Variants in MAGI1 observed in about 807,000 individuals in gnomAD.
MAGI1 encodes the protein membrane associated guanylate kinase, WW and PDZ domain containing 1, also known as membrane-associated guanylate kinase, WW and PDZ domain-containing protein 1.
MAGI1 carries 58 observed loss-of-function variants against 139.9 expected under a neutral mutation model. The ratio of observed to expected loss-of-function variants is 0.41; its 90% CI spans 0.34 to 0.52. The LOEUF is 0.52. Among genes scored for constraint, MAGI1 ranks in the 20% least tolerant of loss-of-function variants. The pLI, the probability that MAGI1 is intolerant of heterozygous loss-of-function variation, is 0.12. For synonymous variants in MAGI1, 812 were observed against 737.9 expected, an observed-to-expected ratio of 1.10 and a Z score of -1.63; for missense variants, 1,874 against 1,901.6, an observed-to-expected ratio of 0.99 and a Z score of 0.27.
chr3:65,404,149 A>G (rs184743186), intron 12 of MAGI1, among the ~76,000 whole-genome samples: 2 of 152,366 alleles, frequency 1.3e-5, no homozygotes, highest in Admixed American at 1.3e-4. Flanking sequence ...AGAGGGACTC[A>G]TTTAAGGAGA....
intron 22 of MAGI1, chr3:65,360,943 A>G: frequency 7.1e-7 from 1 of 1,414,420 alleles, no homozygotes; most frequent in Non-Finnish European, 9.2e-7. Context: ...CGGACTAGAC[A>G]AAACGTTCTC....
intron 1 of MAGI1, among the ~76,000 whole-genome samples, chr3:65,650,328 C>G (rs867188981): frequency 6.6e-6 from 1 of 152,206 alleles, no homozygotes; most frequent in African/African-American, 2.4e-5. Flanking sequence ...AGCAACAGTA[C>G]TCCTTGACAT....
At chr3:65,863,844 A>G (rs1279557604) in intron 1 of MAGI1, among the ~76,000 whole-genome samples, 1 of 152,100 alleles carries the variant, frequency 6.6e-6, no homozygotes, top group Non-Finnish European at 1.5e-5. Context: ...TTCCTACCCC[A>G]ATTCTACCTC....
rs57337916 is a variant in MAGI1, at chr3:65,530,624, GGTGTGTGTGTGTGT to G, written c.431-37007_431-36994del. Among the ~76,000 whole-genome samples the G allele has an allele frequency of 7.7e-4, 100 of 129,214 alleles. 2 individuals are homozygous for G. Among genetic ancestry groups the G allele is most frequent in the Middle Eastern group, 4.1e-3 (1 of 246 alleles). 84.8% of individuals were successfully genotyped at this position (129,214 alleles called of 152,430 possible). ...GCAAGACACATACGTATGTGTGTGT[GGTGTGTGTGTGTGT>G]GTGTGTGTGTGTGTGTGTGTGTGTA... On this transcript the variant is annotated intron_variant, in intron 2 of 22. Coordinates refer to ENST00000402939, the MANE Select transcript of MAGI1 (RefSeq NM_001033057.2).
chr3:65,923,927 C>T (rs555207631), intron 1 of MAGI1, among the ~76,000 whole-genome samples: 3 of 152,292 alleles, frequency 2.0e-5, no homozygotes, highest in African/African-American at 7.2e-5. Context: ...AGCATCAATG[C>T]ACCTGAATTT....
At chr3:65,542,120 A>T (rs777136026) in intron 2 of MAGI1, among the ~76,000 whole-genome samples, 1 of 152,210 alleles carries the variant, frequency 6.6e-6, no homozygotes, top group Non-Finnish European at 1.5e-5. Flanking sequence ...ATTCCTATAC[A>T]CCAATAATAG....
rs1358025936 is a variant in MAGI1, at chr3:65,831,798, A to C, written c.313+206198T>G. On this transcript the variant is annotated intron_variant, in intron 1 of 22. Coordinates refer to ENST00000402939, the MANE Select transcript of MAGI1 (RefSeq NM_001033057.2). Reference sequence around the variant, plus strand: ...TCTCTGAAATACATTTGCTTTAAAGAGAAAATAAAAGGTGGCAGTCTTTAC... The same window carrying C: ...TCTCTGAAATACATTTGCTTTAAAGCGAAAATAAAAGGTGGCAGTCTTTAC... Among the ~76,000 whole-genome samples the C allele has an allele frequency of 3.9e-5, 6 of 152,342 alleles. No homozygotes were observed. In the South Asian group the frequency reaches 8.3e-4, roughly 21 times the overall value.
At chr3:65,709,380 T>C (rs2030976277) in intron 1 of MAGI1, among the ~76,000 whole-genome samples, 1 of 152,224 alleles carries the variant, frequency 6.6e-6, no homozygotes, top group South Asian at 2.1e-4. Flanking sequence ...ACAGGTATCT[T>C]TGAAGCTGTC....
At chr3:66,029,224 T>C (rs1402850624) in intron 1 of MAGI1, among the ~76,000 whole-genome samples, 1 of 152,182 alleles carries the variant, frequency 6.6e-6, no homozygotes, top group Non-Finnish European at 1.5e-5. Context: ...GATCATTTTA[T>C]GAGCAGTACT....
chr3:65,902,424 C>A (rs1354878504), intron 1 of MAGI1, among the ~76,000 whole-genome samples: 1 of 152,148 alleles, frequency 6.6e-6, no homozygotes, highest in Non-Finnish European at 1.5e-5. Context: ...GATAGCAGCC[C>A]CTAGACACGG....
intron 2 of MAGI1, among the ~76,000 whole-genome samples, chr3:65,501,532 G>T (rs532676735): frequency 6.6e-6 from 1 of 151,540 alleles, no homozygotes; most frequent in South Asian, 2.1e-4. Flanking sequence ...TATTAGAATG[G>T]TTTAAAAATG....
At chr3:66,037,596 GTATGGAAAC>G (rs1297139361) in intron 1 of MAGI1, among the ~76,000 whole-genome samples, 1 of 152,156 alleles carries the variant, frequency 6.6e-6, no homozygotes, top group African/African-American at 2.4e-5. Context: ...CACTCAGCAG[GTATGGAAAC>G]TGACTCGTGG....
At chr3:65,394,162 A>G (rs1006463414) in intron 13 of MAGI1, among the ~76,000 whole-genome samples, 2 of 152,200 alleles carry the variant, frequency 1.3e-5, no homozygotes, top group Non-Finnish European at 2.9e-5. Context: ...CTTACATTTA[A>G]CTGAAGAGAT....
chr3:65,519,361 C>T (rs1014490303), intron 2 of MAGI1, among the ~76,000 whole-genome samples: 32 of 84,034 alleles, frequency 3.8e-4, no homozygotes, highest in African/African-American at 1.5e-3. Flanking sequence ...CACACACACA[C>T]ACACACACAC....
chr3:65,506,110 T>C (rs1294283985), intron 2 of MAGI1, among the ~76,000 whole-genome samples: 1 of 152,124 alleles, frequency 6.6e-6, no homozygotes, highest in Non-Finnish European at 1.5e-5. Context: ...AGAGAAACTG[T>C]TAAAAAATCT....
chr3:65,951,872 T>A (rs570072637), intron 1 of MAGI1, among the ~76,000 whole-genome samples: 2 of 152,236 alleles, frequency 1.3e-5, no homozygotes, highest in Non-Finnish European at 2.9e-5. Flanking sequence ...TGAACTGTAG[T>A]GAGCAAAATA....
At chr3:65,404,833 T>C (rs913930739) in intron 12 of MAGI1, among the ~76,000 whole-genome samples, 6 of 152,200 alleles carry the variant, frequency 3.9e-5, no homozygotes, top group African/African-American at 1.4e-4. Flanking sequence ...AGCCAGGCCA[T>C]AGGAAGCAAC....
chr3:65,382,031 A>T lies in MAGI1; in HGVS notation c.2547T>A (p.Asp849Glu). 2 of 1,614,068 alleles carry T rather than the reference A, an allele frequency of 1.2e-6. No individual in the cohort carries two copies. The highest frequency in any genetic ancestry group is 8.5e-7 in the Non-Finnish European group (1 of 1,180,008). Residue 849 changes from aspartate to glutamate, a missense_variant, in exon 16 of 23, where the codon GAT (aspartate) becomes GAA (glutamate). Transcript: ENST00000402939. ...IGHIVPLGAADTDGRLRSGDE... is the reference protein window; with the variant it reads ...IGHIVPLGAAETDGRLRSGDE... ...CTCCAGACCTCAGGCGGCCGTCAGT[A>T]TCAGCAGCACCCAGTGGTACGATGT... is the stretch of plus-strand genomic sequence containing the variant.
intron 1 of MAGI1, chr3:65,902,552 G>C (rs955333055): frequency 6.5e-6 from 1 of 152,704 alleles, no homozygotes; most frequent in Non-Finnish European, 1.5e-5. Flanking sequence ...CACAGCAGAA[G>C]GGCTAAGTTT....
Sources: gnomAD v4.1 joint callset for allele counts (sites outside exome capture counted in the v4.1 genomes callset) on GRCh38, gnomAD v4.1.1 for gene constraint, MANE v1.5 for transcripts, NCBI Gene and HGNC (gene_info 2026-07-23, HGNC 2026-07-21) for gene names.